GPC5: variants seen among roughly 807,000 people sequenced by gnomAD.
The protein encoded by GPC5 is glypican-5.
In GPC5, 47 loss-of-function variants were observed where a neutral mutation model predicts 53.9. The ratio of observed to expected loss-of-function variants is 0.87; its 90% CI spans 0.69 to 1.11. GPC5 has a LOEUF of 1.11. GPC5 is among the 50% of genes most tolerant of loss of function. GPC5 has a pLI of 0.00. For missense variants in GPC5, 748 were observed against 713.1 expected (o/e 1.05, Z -0.56); for synonymous variants, 286 against 263.3 (o/e 1.09, Z -0.84).
At chr13:92,622,284 G>C (rs1215226253) in intron 7 of GPC5, among the ~76,000 whole-genome samples, 1 of 152,220 alleles carries the variant, frequency 6.6e-6, no homozygotes, top group Non-Finnish European at 1.5e-5. Context: ...ATCGCCACAG[G>C]TCTGGGTTCT....
At chr13:92,072,322 A>T (rs923381774) in intron 6 of GPC5, among the ~76,000 whole-genome samples, 1 of 151,618 alleles carries the variant, frequency 6.6e-6, no homozygotes, top group Non-Finnish European at 1.5e-5. Flanking sequence ...GCTGGAGTGC[A>T]GTGGTATGAT....
intron 5 of GPC5, among the ~76,000 whole-genome samples, chr13:91,762,582 A>G (rs564788678): frequency 1.8e-3 from 239 of 131,246 alleles, no homozygotes; most frequent in African/African-American, 6.2e-3. Context: ...TTTGTTTTCT[A>G]TTTCTTTTTT....
At chr13:91,436,578 A>T (rs1204526206) in intron 1 of GPC5, among the ~76,000 whole-genome samples, 1 of 152,088 alleles carries the variant, frequency 6.6e-6, no homozygotes, top group African/African-American at 2.4e-5. Flanking sequence ...CTGTTCTTTT[A>T]CATTTGCTGA....
At chr13:91,775,128 A>T (rs183536332) in intron 5 of GPC5, among the ~76,000 whole-genome samples, 57 of 152,318 alleles carry the variant, frequency 3.7e-4, no homozygotes, top group African/African-American at 1.3e-3. Flanking sequence ...GATTGTCAGG[A>T]GATGGGAGCA....
At chr13:92,232,439 T>G (rs1023355033) in intron 7 of GPC5, among the ~76,000 whole-genome samples, 2 of 152,238 alleles carry the variant, frequency 1.3e-5, no homozygotes, top group Admixed American at 1.3e-4. Context: ...ATCCTTAAAG[T>G]TGAATAAAGG....
rs575667685 is a variant in GPC5, at chr13:91,575,600, A to G, written c.326-117587A>G. On this transcript the variant is annotated intron_variant, in intron 2 of 7. Coordinates refer to ENST00000377067, the MANE Select transcript of GPC5 (RefSeq NM_004466.6). The stretch of plus-strand genomic sequence containing the variant: ...TTAAAACTGTACCCACTGGCAGAAA[A>G]GTTTTACTGATGCTGTATGACGTTT... Among the ~76,000 whole-genome samples, 33 of 152,240 alleles carry G rather than the reference A, an allele frequency of 2.2e-4. 1 individual carries two copies. Among genetic ancestry groups the G allele is most frequent in the Non-Finnish European group, 4.6e-4 (31 of 67,994 alleles).
rs551722883 is a variant in GPC5, at chr13:92,471,612, A to G, written c.1561+326623A>G. Among the ~76,000 whole-genome samples, 5 of 152,266 alleles carry G rather than the reference A, an allele frequency of 3.3e-5. No homozygotes were observed. In the South Asian group the frequency reaches 6.2e-4, roughly 19 times the overall value. On this transcript the variant is annotated intron_variant, in intron 7 of 7. Coordinates refer to ENST00000377067, the MANE Select transcript of GPC5 (RefSeq NM_004466.6). ...AGTTATTTATAAATATGCATATATT[A>G]TATATAAATACACATATACATATAT...
intron 7 of GPC5, among the ~76,000 whole-genome samples, chr13:92,186,158 T>C (rs1389917064): frequency 6.6e-6 from 1 of 151,944 alleles, no homozygotes; most frequent in Non-Finnish European, 1.5e-5. Context: ...ATTGATCTTT[T>C]AACAAAAGCA....
intron 7 of GPC5, among the ~76,000 whole-genome samples, chr13:92,161,852 TATTG>T (rs1193827893): frequency 6.6e-6 from 1 of 150,592 alleles, no homozygotes; most frequent in African/African-American, 2.4e-5. Flanking sequence ...GGATAGTTTT[TATTG>T]ATTATGTTTG....
intron 7 of GPC5, among the ~76,000 whole-genome samples, chr13:92,209,102 A>G (rs1330999): frequency 0.039 from 5,990 of 152,302 alleles, 393 homozygotes; most frequent in African/African-American, 0.14. Context: ...TTATTATGAA[A>G]CATTCCTTTT....
chr13:91,461,743 G>A (rs1881939766), intron 2 of GPC5, among the ~76,000 whole-genome samples: 1 of 151,870 alleles, frequency 6.6e-6, no homozygotes, highest in African/African-American at 2.4e-5. Context: ...TTTTCTTTAA[G>A]CGTGTTATGG....
chr13:92,077,336 C>G (rs543986691), intron 6 of GPC5, among the ~76,000 whole-genome samples: 2 of 152,246 alleles, frequency 1.3e-5, no homozygotes, highest in South Asian at 4.1e-4. Context: ...ATTGAATGAA[C>G]TGGATTTCCA....
intron 7 of GPC5, among the ~76,000 whole-genome samples, chr13:92,821,677 C>T (rs2138810600): frequency 6.6e-6 from 1 of 152,248 alleles, no homozygotes; most frequent in Non-Finnish European, 1.5e-5. Context: ...AGCTGGCCCA[C>T]AAATGCATAT....
At chr13:92,157,629 T>C (rs1279881963) in intron 7 of GPC5, among the ~76,000 whole-genome samples, 4 of 152,170 alleles carry the variant, frequency 2.6e-5, no homozygotes, top group Non-Finnish European at 5.9e-5. Context: ...AAAAAGAAGT[T>C]AGGGGCTTAT....
At chr13:92,065,668 T>C (rs1254146785) in intron 6 of GPC5, among the ~76,000 whole-genome samples, 1 of 152,168 alleles carries the variant, frequency 6.6e-6, no homozygotes, top group African/African-American at 2.4e-5. Context: ...TATTAATAAG[T>C]TGCATTTTGA....
chr13:92,581,580 T>C (rs1218797756), intron 7 of GPC5, among the ~76,000 whole-genome samples: 3 of 152,172 alleles, frequency 2.0e-5, no homozygotes, highest in Non-Finnish European at 4.4e-5. Context: ...TTTAGAAATA[T>C]ATCCAAGTGG....
At chr13:92,805,351 A>C (rs1175559273) in intron 7 of GPC5, among the ~76,000 whole-genome samples, 1 of 152,104 alleles carries the variant, frequency 6.6e-6, no homozygotes, top group Admixed American at 6.6e-5. Context: ...ATTAGCAGGC[A>C]TGGAAACATT....
At chr13:92,817,842 A>G (rs1255190124) in intron 7 of GPC5, among the ~76,000 whole-genome samples, 1 of 151,902 alleles carries the variant, frequency 6.6e-6, no homozygotes, top group Non-Finnish European at 1.5e-5. Context: ...ACTCAGAAGA[A>G]CAAGGTTTTA....
At chr13:92,368,656 A>C (rs2043625813) in intron 7 of GPC5, among the ~76,000 whole-genome samples, 1 of 151,514 alleles carries the variant, frequency 6.6e-6, no homozygotes, top group African/African-American at 2.4e-5. Flanking sequence ...AAAAAAAAAA[A>C]AAAACCTGAA....
Sources: allele counts gnomAD v4.1 joint callset (sites outside exome capture counted in the v4.1 genomes callset), GRCh38; gene constraint gnomAD v4.1.1; transcripts MANE v1.5; gene names NCBI Gene and HGNC (gene_info 2026-07-23, HGNC 2026-07-21).